Variants in NKAIN2 observed in about 807,000 individuals in gnomAD.
NKAIN2 encodes sodium/potassium-transporting ATPase subunit beta-1-interacting protein 2.
NKAIN2 carries 14 observed loss-of-function variants against 32.6 expected under a neutral mutation model. The ratio of observed to expected loss-of-function variants is 0.43; its 90% CI spans 0.28 to 0.67. The LOEUF (loss-of-function observed/expected upper bound fraction) is 0.67. NKAIN2 is among the 30% of genes least tolerant of loss of function. NKAIN2 has a pLI of 0.17. For missense variants in NKAIN2, 198 were observed against 258.3 expected, an observed-to-expected ratio of 0.77 and a Z score of 1.60; for synonymous variants, 80 against 87.2, an observed-to-expected ratio of 0.92 and a Z score of 0.46.
At chr6:124,665,718 C>T (rs191412187) in intron 4 of NKAIN2, among the ~76,000 whole-genome samples, 322 of 152,266 alleles carry the variant, frequency 2.1e-3, no homozygotes, top group African/African-American at 7.5e-3. Context: ...GGTGTCTACT[C>T]AGGAAAGATG....
At chr6:123,848,752 T>C (rs1775194828) in intron 1 of NKAIN2, among the ~76,000 whole-genome samples, 1 of 152,092 alleles carries the variant, frequency 6.6e-6, no homozygotes, top group South Asian at 2.1e-4. Flanking sequence ...ACTTTCAGAG[T>C]GCACCCGTAC....
At chr6:124,068,080 T>C (rs1437495996) in intron 1 of NKAIN2, among the ~76,000 whole-genome samples, 1 of 152,190 alleles carries the variant, frequency 6.6e-6, no homozygotes, top group African/African-American at 2.4e-5. Context: ...AGAGTTTTAA[T>C]AACTTAAGTT....
chr6:124,770,103 T>G (rs1562373584), intron 4 of NKAIN2, among the ~76,000 whole-genome samples: 1 of 152,148 alleles, frequency 6.6e-6, no homozygotes, highest in African/African-American at 2.4e-5. Flanking sequence ...TTAGAGAAAA[T>G]AGAGTACATA....
intron 4 of NKAIN2, among the ~76,000 whole-genome samples, chr6:124,778,897 A>C (rs1779107047): frequency 6.6e-6 from 1 of 152,146 alleles, no homozygotes; most frequent in Non-Finnish European, 1.5e-5. Flanking sequence ...TAGAGTCAAA[A>C]ACCGATGAAC....
chr6:124,102,913 A>G (rs566150187), intron 1 of NKAIN2, among the ~76,000 whole-genome samples: 1 of 152,260 alleles, frequency 6.6e-6, no homozygotes, highest in African/African-American at 2.4e-5. Flanking sequence ...ACATGTGATC[A>G]AAACATCTTG....
intron 1 of NKAIN2, among the ~76,000 whole-genome samples, chr6:124,215,672 A>C (rs1286668149): frequency 6.6e-6 from 1 of 152,202 alleles, no homozygotes; most frequent in Non-Finnish European, 1.5e-5. Flanking sequence ...CATAAGAGTA[A>C]GAGTGTGATA....
chr6:124,659,934 T>G (rs1368231232), intron 4 of NKAIN2, among the ~76,000 whole-genome samples: 1 of 152,084 alleles, frequency 6.6e-6, no homozygotes, highest in Non-Finnish European at 1.5e-5. Flanking sequence ...TGTTCAACCA[T>G]AGACACTCCT....
intron 3 of NKAIN2, among the ~76,000 whole-genome samples, chr6:124,508,635 G>A (rs12175764): frequency 0.017 from 2,571 of 152,100 alleles, 138 homozygotes; most frequent in East Asian, 0.13. Flanking sequence ...GAGCCACCAC[G>A]CCTGGCCATG....
intron 1 of NKAIN2, among the ~76,000 whole-genome samples, chr6:124,135,515 TAAA>T (rs56183476): frequency 0.019 from 1,918 of 100,408 alleles, 18 homozygotes; most frequent in South Asian, 0.041. Flanking sequence ...GCAACGATAG[TAAA>T]AAAAAAAAAA....
chr6:124,321,199 T>G (rs1182319448), intron 2 of NKAIN2, among the ~76,000 whole-genome samples: 1 of 152,198 alleles, frequency 6.6e-6, no homozygotes, highest in Admixed American at 6.5e-5. Flanking sequence ...TCCCATTGAT[T>G]ACTTTAAAAT....
At chr6:124,363,451 A>G (rs557403310) in intron 3 of NKAIN2, among the ~76,000 whole-genome samples, 9 of 152,190 alleles carry the variant, frequency 5.9e-5, no homozygotes, top group Non-Finnish European at 1.3e-4. Flanking sequence ...AAATCAGCAT[A>G]GCTTTGAGGG....
At chr6:124,623,912 C>T (rs541492475) in intron 3 of NKAIN2, among the ~76,000 whole-genome samples, 2 of 152,186 alleles carry the variant, frequency 1.3e-5, no homozygotes, top group African/African-American at 2.4e-5. Context: ...CATTTCAGTC[C>T]CCAGAAATGG....
In NKAIN2 at chr6:124,287,253, G is replaced by C. The variant is rs553619716; in HGVS notation, c.192+4111G>C. On this transcript the variant is annotated intron_variant, in intron 2 of 6. Transcript: ENST00000368417. ...TAATTTTACCAAAACAAAAAGGCAG[G>C]TTTTCTGATATTGAGACTGAGGGCA... Among the ~76,000 whole-genome samples the C allele has an allele frequency of 7.9e-5, 12 of 152,206 alleles. No individual in the cohort carries two copies. In the South Asian group the frequency reaches 2.5e-3, roughly 32 times the overall value.
At chr6:123,826,841 T>C (rs1774167433) in intron 1 of NKAIN2, among the ~76,000 whole-genome samples, 1 of 152,152 alleles carries the variant, frequency 6.6e-6, no homozygotes, top group African/African-American at 2.4e-5. Flanking sequence ...CTGCTTTTAG[T>C]TCTTTTGGGT....
At chr6:123,870,615 A>G (rs1772820553) in intron 1 of NKAIN2, among the ~76,000 whole-genome samples, 1 of 152,230 alleles carries the variant, frequency 6.6e-6, no homozygotes, top group Non-Finnish European at 1.5e-5. Flanking sequence ...GTGGAGATAT[A>G]TATTAAACAC....
intron 1 of NKAIN2, among the ~76,000 whole-genome samples, chr6:124,167,712 A>G (rs1209322529): frequency 6.6e-6 from 1 of 152,148 alleles, no homozygotes; most frequent in Non-Finnish European, 1.5e-5. Flanking sequence ...TAATTTATTG[A>G]GAGTTTTTAG....
At chr6:123,959,442 G>T (rs1212727712) in intron 1 of NKAIN2, among the ~76,000 whole-genome samples, 1 of 152,128 alleles carries the variant, frequency 6.6e-6, no homozygotes, top group Non-Finnish European at 1.5e-5. Context: ...TTTAACACTG[G>T]CAACCACTGT....
intron 1 of NKAIN2, among the ~76,000 whole-genome samples, chr6:124,267,191 G>A (rs1415196005): frequency 1.3e-5 from 2 of 152,124 alleles, no homozygotes; most frequent in African/African-American, 4.8e-5. Context: ...GTCAAGCAAG[G>A]ACAAATGGAT....
intron 1 of NKAIN2, among the ~76,000 whole-genome samples, chr6:123,952,416 T>C (rs759664343): frequency 1.2e-4 from 18 of 152,174 alleles, no homozygotes; most frequent in South Asian, 4.1e-4. Context: ...GAGATTCTTA[T>C]ATGTCTAAGT....
Sources: gnomAD v4.1 joint callset for allele counts (sites outside exome capture counted in the v4.1 genomes callset) on GRCh38, gnomAD v4.1.1 for gene constraint, MANE v1.5 for transcripts, NCBI Gene and HGNC (gene_info 2026-07-23, HGNC 2026-07-21) for gene names.